Variants in PRDM16 observed in about 807,000 individuals in gnomAD.
PRDM16 encodes the protein PR/SET domain 16.
PRDM16 carries 23 observed loss-of-function variants against 110.6 expected under a neutral mutation model. That is an observed-to-expected ratio of 0.21 (90% CI 0.15 to 0.29). The LOEUF (loss-of-function observed/expected upper bound fraction) is 0.29. Ranked by LOEUF, PRDM16 falls within the 10% of genes least tolerant of loss-of-function variation. The pLI is 1.00. For synonymous variants in PRDM16, 799 were observed against 781.8 expected (o/e 1.02, Z -0.37); for missense variants, 1,615 against 1,794.3 (o/e 0.90, Z 1.81).
intron 1 of PRDM16, among the ~76,000 whole-genome samples, chr1:3,132,004 T>A (rs113249023): frequency 1.3e-5 from 2 of 152,246 alleles, no homozygotes; most frequent in African/African-American, 2.4e-5. Flanking sequence ...TTAGTTTTTT[T>A]AAAAAACCCA....
At chr1:3,096,134 T>C (rs1642393120) in intron 1 of PRDM16, among the ~76,000 whole-genome samples, 1 of 152,128 alleles carries the variant, frequency 6.6e-6, no homozygotes, top group Non-Finnish European at 1.5e-5. Flanking sequence ...GCTTAGAATG[T>C]TCTGGACCCC....
At chr1:3,234,608 C>T (rs1195682829) in intron 2 of PRDM16, among the ~76,000 whole-genome samples, 3 of 152,218 alleles carry the variant, frequency 2.0e-5, no homozygotes, top group South Asian at 2.1e-4. Flanking sequence ...ACAGGGCCCC[C>T]GCAGGCTGGA....
chr1:3,324,771 G>A (rs1015476642), intron 3 of PRDM16, among the ~76,000 whole-genome samples: 2 of 145,392 alleles, frequency 1.4e-5, no homozygotes, highest in Non-Finnish European at 3.0e-5. Context: ...CCCCCTACCT[G>A]CCCAGCCTTG....
rs565397568 is a variant in PRDM16 at position 3,253,307 on chromosome 1, A to C, written c.438+9170A>C. Among the ~76,000 whole-genome samples the C allele has an allele frequency of 1.9e-4, 29 of 151,126 alleles. No homozygotes were observed. The East Asian group carries it at 2.9e-3, about 15-fold the overall frequency. On this transcript the variant is annotated intron_variant, in intron 3 of 16. Coordinates refer to ENST00000270722, the MANE Select transcript of PRDM16 (RefSeq NM_022114.4). Reference sequence around the variant, plus strand: ...GTGCCATGCTGGTGTGCTGTACCCAATAACTCGTCATTTAGCATTAGGTAT... The same window carrying C: ...GTGCCATGCTGGTGTGCTGTACCCACTAACTCGTCATTTAGCATTAGGTAT...
At chr1:3,126,782 C>T (rs1244449150) in intron 1 of PRDM16, among the ~76,000 whole-genome samples, 2 of 152,224 alleles carry the variant, frequency 1.3e-5, no homozygotes, top group African/African-American at 4.8e-5. Flanking sequence ...CAGTGATGGT[C>T]ACAGCACCTC....
intron 3 of PRDM16, among the ~76,000 whole-genome samples, chr1:3,267,675 A>G (rs1211403330): frequency 2.0e-5 from 3 of 152,212 alleles, no homozygotes; most frequent in Non-Finnish European, 4.4e-5. Context: ...GAGCGGCTGA[A>G]GGGGCGGCCC....
At position 3,385,379 on chromosome 1, in the gene PRDM16, G is replaced by A. The variant is rs374994933; in HGVS notation, c.573+93G>A. The A allele has an allele frequency of 1.2e-4, 173 of 1,406,510 alleles. 1 individual carries two copies. The East Asian group carries it at 3.3e-3, about 27-fold the overall frequency. The allele number at this position is 1,406,510 out of a possible 1,614,324, so 87.1% of individuals were successfully genotyped here. A position where few individuals can be genotyped will look rare whatever the true frequency, so the allele number is the denominator to read the frequency against. On this transcript the variant is annotated intron_variant, in intron 4 of 16. Transcript: ENST00000270722. ...TGGTGGAGGTGCCGAGGCAAGGGTTGTCTGAGCCTCTTTGGGGACATCTGC... is the reference window on the plus strand; with the variant it reads ...TGGTGGAGGTGCCGAGGCAAGGGTTATCTGAGCCTCTTTGGGGACATCTGC...
chr1:3,092,825 A>G (rs1328466066), intron 1 of PRDM16, among the ~76,000 whole-genome samples: 2 of 151,930 alleles, frequency 1.3e-5, no homozygotes, highest in Admixed American at 1.3e-4. Context: ...CAGGGAGGAC[A>G]TGAAGTCTCA....
At chr1:3,328,758 C>T (rs1479274676) in intron 3 of PRDM16, among the ~76,000 whole-genome samples, 2 of 152,174 alleles carry the variant, frequency 1.3e-5, no homozygotes, top group Non-Finnish European at 2.9e-5. Flanking sequence ...TGGAGCAGCT[C>T]ACGCAGCTCA....
intron 3 of PRDM16, among the ~76,000 whole-genome samples, chr1:3,280,711 A>G (rs1640696001): frequency 6.6e-6 from 1 of 152,228 alleles, no homozygotes; most frequent in African/African-American, 2.4e-5. Context: ...CTTTGAAAAC[A>G]GTAAATGTGA....
chr1:3,149,966 G>A (rs1643746224), intron 1 of PRDM16, among the ~76,000 whole-genome samples: 1 of 152,214 alleles, frequency 6.6e-6, no homozygotes, highest in African/African-American at 2.4e-5. Context: ...GGGTTATCCA[G>A]GCTCTGCCAC....
intron 1 of PRDM16, among the ~76,000 whole-genome samples, chr1:3,165,224 C>T (rs567448841): frequency 6.6e-6 from 1 of 152,134 alleles, no homozygotes; most frequent in Non-Finnish European, 1.5e-5. Flanking sequence ...CATGGACTCA[C>T]CTGGGCTCAG....
intron 1 of PRDM16, among the ~76,000 whole-genome samples, chr1:3,113,669 A>G (rs1569582848): frequency 6.6e-6 from 1 of 152,128 alleles, no homozygotes; most frequent in African/African-American, 2.4e-5. Context: ...CCCGGCCCCC[A>G]CCCACCAGAC....
At chr1:3,409,150 TGTGTGTGA>T (rs755219574) in intron 8 of PRDM16, among the ~76,000 whole-genome samples, 3 of 146,082 alleles carry the variant, frequency 2.1e-5, no homozygotes, top group Non-Finnish European at 3.1e-5. Flanking sequence ...TGAGTGTGGG[TGTGTGTGA>T]GTGAGTGTGG....
intron 2 of PRDM16, among the ~76,000 whole-genome samples, chr1:3,218,419 C>T (rs6681876): frequency 0.33 from 49,647 of 152,126 alleles, 12,560 homozygotes; most frequent in African/African-American, 0.71. Context: ...AGGGGGCAGC[C>T]GGGGCCACCT....
In PRDM16 at chr1:3,243,232, C is replaced by A. The variant is rs1639715555; in HGVS notation, c.388-855C>A. On this transcript the variant is annotated intron_variant, in intron 2 of 16. Transcript: ENST00000270722. This position sits in a 1 kb window ranked among gnomAD's most constrained non-coding sequence, Gnocchi z 5.5. ...GGGTCCTCAGTGGCCACCCCGGGCACCTGCATGGCACTAGGCACAGCGGCT... is the reference window on the plus strand; with the variant it reads ...GGGTCCTCAGTGGCCACCCCGGGCAACTGCATGGCACTAGGCACAGCGGCT... 6.6e-6 allele frequency among the ~76,000 whole-genome samples: 1 copy of A among 152,228 alleles called. No homozygotes were observed. The highest frequency in any genetic ancestry group is 2.4e-5 in the African/African-American group (1 of 41,480).
Position 3,350,155 on chromosome 1 carries a change from A to G in PRDM16, c.439-34997A>G, listed in dbSNP as rs868854781. 6.6e-6 allele frequency among the ~76,000 whole-genome samples: 1 copy of G among 152,282 alleles called. No individual in the cohort carries two copies. The highest frequency in any genetic ancestry group is 3.4e-3 in the Middle Eastern group (1 of 294). On this transcript the variant is annotated intron_variant, in intron 3 of 16. Transcript: ENST00000270722. This position sits in a 1 kb window ranked among gnomAD's most constrained non-coding sequence, Gnocchi z 7.1. ...AGCCTGGACAACATAGCAAGACCCT[A>G]TCTCTACAAAAAATACAAAAATTAG...
intron 2 of PRDM16, among the ~76,000 whole-genome samples, chr1:3,222,663 C>T (rs1569871989): frequency 6.6e-6 from 1 of 152,246 alleles, no homozygotes; most frequent in Admixed American, 6.5e-5. Context: ...CACACCCCAA[C>T]GTGAGACTCT....
intron 3 of PRDM16, among the ~76,000 whole-genome samples, chr1:3,285,032 CG>C (rs1640814093): frequency 6.6e-6 from 1 of 152,180 alleles, no homozygotes. Context: ...GAGCATGGAA[CG>C]CTTCACCTGG....
Sources: gnomAD v4.1 joint callset for allele counts (sites outside exome capture counted in the v4.1 genomes callset) on GRCh38, gnomAD v4.1.1 for gene constraint, Gnocchi (gnomAD v3.1) non-coding constraint, MANE v1.5 for transcripts, NCBI Gene and HGNC (gene_info 2026-07-23, HGNC 2026-07-21) for gene names.